Variants in ARHGAP32 observed in about 807,000 individuals in gnomAD.
ARHGAP32 encodes rho GTPase-activating protein 32.
A neutral mutation model predicts 186.5 loss-of-function variants in ARHGAP32; 51 were observed. The observed-to-expected ratio is 0.27, with a 90% CI of 0.22 to 0.35. The LOEUF (loss-of-function observed/expected upper bound fraction) is 0.35, where lower values mean the gene tolerates loss of function less well. ARHGAP32 is among the 10% of genes least tolerant of loss of function. The pLI is 1.00. For missense variants in ARHGAP32, 2,186 were observed against 2,623.5 expected (o/e 0.83, Z 3.64); for synonymous variants, 950 against 964.3 (o/e 0.99, Z 0.27).
chr11:129,066,706 T>G, intron 7 of ARHGAP32, 25 bp downstream of exon 7: 1 of 1,605,604 alleles, frequency 6.2e-7, no homozygotes, highest in Non-Finnish European at 8.5e-7. Flanking sequence ...TGATTACCTC[T>G]GTACTAAATG....
chr11:128,970,530 G>C lies in ARHGAP32; in HGVS notation c.4683C>G (p.His1561Gln), dbSNP rs145905591. Reference sequence around the variant, plus strand: ...CGACCCGGCTGCATGGCTTGGAGTGGTGTCCAGATGCGTTTCTTCCTGGGG... The same window carrying C: ...CGACCCGGCTGCATGGCTTGGAGTGCTGTCCAGATGCGTTTCTTCCTGGGG... Reference protein sequence around the residue: ...YVAPGRNASGHHSKPCSRVEY... With the variant: ...YVAPGRNASGQHSKPCSRVEY... The change falls in exon 23 of 23, where the codon CAC becomes CAG. Residue 1561 changes from histidine to glutamine, a missense_variant. By Grantham distance (24) the His-to-Gln change is conservative. This residue lies in a region of ARHGAP32 where 1,502 missense variants were observed against 1,570.0 expected (regional missense o/e 0.96). Transcript: ENST00000682385. This position sits in a 1 kb window ranked among gnomAD's most constrained non-coding sequence, Gnocchi z 5.8. 3 of 1,614,082 alleles carry C rather than the reference G, an allele frequency of 1.9e-6. No individual in the cohort carries two copies. The highest frequency in any genetic ancestry group is 2.5e-6 in the Non-Finnish European group (3 of 1,180,040).
At chr11:129,224,792 A>AAAAC (rs58393121) in intron 1 of ARHGAP32, among the ~76,000 whole-genome samples, 2 of 145,278 alleles carry the variant, frequency 1.4e-5, no homozygotes, top group African/African-American at 2.5e-5. Flanking sequence ...AAAAAAAAAA[A>AAAAC]TCTCTTCCCC....
At chr11:129,271,765 G>C (rs138065949) in intron 1 of ARHGAP32, among the ~76,000 whole-genome samples, 3 of 152,320 alleles carry the variant, frequency 2.0e-5, no homozygotes, top group African/African-American at 7.2e-5. Context: ...GTCAAAACTA[G>C]TAAAGTTGGC....
intron 11 of ARHGAP32, among the ~76,000 whole-genome samples, chr11:129,021,961 G>A (rs1261357138): frequency 6.6e-6 from 1 of 151,942 alleles, no homozygotes; most frequent in Non-Finnish European, 1.5e-5. Context: ...AATTGGAATG[G>A]GATATTATAT....
At chr11:128,982,353 T>C (rs1231471406) in intron 15 of ARHGAP32, among the ~76,000 whole-genome samples, 19 of 152,202 alleles carry the variant, frequency 1.2e-4, no homozygotes. Flanking sequence ...TGGTTTATCT[T>C]GACTACTTAA....
At chr11:129,158,022 T>C (rs1037048757) in intron 2 of ARHGAP32, among the ~76,000 whole-genome samples, 1 of 152,038 alleles carries the variant, frequency 6.6e-6, no homozygotes, top group Non-Finnish European at 1.5e-5. Flanking sequence ...GACAAGCAAA[T>C]GCTGAGAAAT....
chr11:129,009,497 T>C (rs1937960391), intron 11 of ARHGAP32, among the ~76,000 whole-genome samples: 1 of 152,150 alleles, frequency 6.6e-6, no homozygotes, highest in Non-Finnish European at 1.5e-5. Context: ...TCCCCGTAAC[T>C]ATCTCGACAA....
At chr11:129,000,765 C>A (rs559143607) in intron 11 of ARHGAP32, among the ~76,000 whole-genome samples, 1 of 152,110 alleles carries the variant, frequency 6.6e-6, no homozygotes, top group Non-Finnish European at 1.5e-5. Flanking sequence ...CCCCACCCCC[C>A]CACCATTGGC....
intron 5 of ARHGAP32, among the ~76,000 whole-genome samples, chr11:129,097,729 A>G (rs1941776310): frequency 6.6e-6 from 1 of 152,194 alleles, no homozygotes; most frequent in African/African-American, 2.4e-5. Flanking sequence ...AAAAAAAGAG[A>G]GAGAAGGGAC....
chr11:129,254,031 T>C (rs1208848469), intron 1 of ARHGAP32, among the ~76,000 whole-genome samples: 7 of 152,166 alleles, frequency 4.6e-5, no homozygotes, highest in African/African-American at 7.2e-5. Context: ...ACATTATAAA[T>C]GAAATGGTGC....
At chr11:129,126,482 C>G (rs1397484494) in intron 2 of ARHGAP32, among the ~76,000 whole-genome samples, 2 of 152,170 alleles carry the variant, frequency 1.3e-5, no homozygotes, top group Non-Finnish European at 2.9e-5. Flanking sequence ...TCTTTCTAGT[C>G]TGCATTTCAC....
chr11:129,110,498 G>C (rs116495647), intron 5 of ARHGAP32, among the ~76,000 whole-genome samples: 124 of 152,216 alleles, frequency 8.1e-4, no homozygotes, highest in African/African-American at 2.8e-3. Flanking sequence ...TATTTTCATA[G>C]ACATTGTATT....
chr11:129,055,772 A>G (rs1207865850), intron 10 of ARHGAP32, among the ~76,000 whole-genome samples: 1 of 152,236 alleles, frequency 6.6e-6, no homozygotes, highest in Non-Finnish European at 1.5e-5. Flanking sequence ...TCAGCAGGAA[A>G]GGAAAAATAG....
intron 1 of ARHGAP32, among the ~76,000 whole-genome samples, chr11:129,201,662 T>A (rs892697886): frequency 6.6e-6 from 1 of 152,140 alleles, no homozygotes; most frequent in Non-Finnish European, 1.5e-5. Flanking sequence ...AACATTTACA[T>A]GTAGTGGTTA....
chr11:129,084,378 T>C (rs1941316308), intron 6 of ARHGAP32, among the ~76,000 whole-genome samples: 5 of 150,444 alleles, frequency 3.3e-5, no homozygotes. Flanking sequence ...GACAAATATC[T>C]CTCATGAACA....
chr11:129,229,294 T>A (rs1034710378), intron 1 of ARHGAP32, among the ~76,000 whole-genome samples: 3 of 152,166 alleles, frequency 2.0e-5, no homozygotes, highest in African/African-American at 7.2e-5. Flanking sequence ...GGAATTTGTA[T>A]AAACAGATGC....
rs191703476 is a variant in ARHGAP32, at chr11:129,224,293, T to C, written c.-5+54853A>G. 5.3e-5 allele frequency among the ~76,000 whole-genome samples: 8 copies of C among 152,244 alleles called. No homozygotes were observed. The East Asian group carries it at 1.5e-3, about 29-fold the overall frequency. On this transcript the variant is annotated intron_variant, in intron 1 of 6. Transcript: ENST00000525234. ...AGATTGTAAAATATCTAAAACAGAA[T>C]GGTCATGTATTAAAATCTTGGTAGT...
intron 11 of ARHGAP32, among the ~76,000 whole-genome samples, chr11:129,002,786 T>A (rs1035229260): frequency 6.6e-6 from 1 of 151,636 alleles, no homozygotes; most frequent in African/African-American, 2.4e-5. Flanking sequence ...TTGAGGGGTT[T>A]TATCATGAAG....
chr11:128,996,458 C>T (rs770769959), intron 12 of ARHGAP32, among the ~76,000 whole-genome samples: 1 of 152,042 alleles, frequency 6.6e-6, no homozygotes, highest in Non-Finnish European at 1.5e-5. Context: ...TAAGTCATCT[C>T]TTCATGTTTT....
Sources: gnomAD v4.1 joint callset for allele counts (sites outside exome capture counted in the v4.1 genomes callset) on GRCh38, gnomAD v4.1.1 for gene constraint, gnomAD v4.1.1 regional missense constraint, Gnocchi (gnomAD v3.1) non-coding constraint, MANE v1.5 for transcripts, NCBI Gene and HGNC (gene_info 2026-07-23, HGNC 2026-07-21) for gene names.